Variants in SPAG9 observed in about 807,000 individuals in gnomAD.
SPAG9 encodes sperm associated antigen 9.
SPAG9 carries 35 observed loss-of-function variants against 166.5 expected under a neutral mutation model. The ratio of observed to expected loss-of-function variants is 0.21; its 90% CI spans 0.16 to 0.28. The LOEUF is 0.28. SPAG9 is among the 10% of genes least tolerant of loss of function. The pLI, the probability that SPAG9 is intolerant of heterozygous loss-of-function variation, is 1.00. For missense variants in SPAG9, 1,235 were observed against 1,603.3 expected (o/e 0.77, Z 3.92); for synonymous variants, 534 against 565.5 (o/e 0.94, Z 0.79).
chr17:51,027,098 C>T lies in SPAG9; in HGVS notation c.783+4583G>A, dbSNP rs114035125. 7.8e-3 allele frequency among the ~76,000 whole-genome samples: 1,191 copies of T among 152,212 alleles called. 21 individuals carry two copies. The highest frequency in any genetic ancestry group is 0.027 in the African/African-American group (1,141 of 41,530). ...CGGACAAAGTATTTGGCCAGGGGCA[C>T]AATATTCTTGCATTATACCTCACTA... is the stretch of plus-strand genomic sequence containing the variant. On this transcript the variant is annotated intron_variant, in intron 6 of 29. Transcript: ENST00000262013.
intron 7 of SPAG9, among the ~76,000 whole-genome samples, chr17:51,020,495 T>C (rs539816041): frequency 6.6e-6 from 1 of 152,304 alleles, no homozygotes; most frequent in South Asian, 2.1e-4. Context: ...GAACACACAG[T>C]ACAATGTATC....
At chr17:51,104,916 G>C (rs550054643) in intron 1 of SPAG9, among the ~76,000 whole-genome samples, 11 of 105,778 alleles carry the variant, frequency 1.0e-4, no homozygotes, top group Admixed American at 4.3e-4. Flanking sequence ...CTGGGCGACA[G>C]AGCGAGACTC....
intron 4 of SPAG9, chr17:51,046,592 A>G: frequency 1.3e-6 from 2 of 1,536,148 alleles, no homozygotes; most frequent in Non-Finnish European, 1.7e-6. Flanking sequence ...ATACTAAGAT[A>G]GCAGAATTAA....
chr17:51,028,752 A>T (rs2046283712), intron 6 of SPAG9, among the ~76,000 whole-genome samples: 1 of 152,244 alleles, frequency 6.6e-6, no homozygotes, highest in Non-Finnish European at 1.5e-5. Context: ...ATTGAAAAGC[A>T]TTTATTATGA....
At chr17:51,050,760 T>C (rs946785862) in intron 3 of SPAG9, among the ~76,000 whole-genome samples, 25 of 151,212 alleles carry the variant, frequency 1.7e-4, no homozygotes, top group Admixed American at 6.6e-5. Context: ...GCACCAGTGT[T>C]GTTAGACAGA....
intron 3 of SPAG9, among the ~76,000 whole-genome samples, chr17:51,055,562 C>T (rs138849586): frequency 4.0e-5 from 6 of 151,226 alleles, no homozygotes; most frequent in Non-Finnish European, 7.4e-5. Context: ...TTCTACCAGA[C>T]GCAGGATAAG....
intron 8 of SPAG9, among the ~76,000 whole-genome samples, chr17:51,019,591 G>A (rs993944140): frequency 6.6e-6 from 1 of 150,694 alleles, no homozygotes. Flanking sequence ...AGTGGCTCAC[G>A]ACTGTAATCC....
At chr17:50,981,945 A>G (rs1280469216) in intron 25 of SPAG9, among the ~76,000 whole-genome samples, 3 of 151,882 alleles carry the variant, frequency 2.0e-5, no homozygotes, top group Admixed American at 2.0e-4. Flanking sequence ...AGGCAGAAGA[A>G]TTGCTTGAAC....
At chr17:51,020,077 T>C (rs2045880208) in intron 8 of SPAG9, 82 bp downstream of exon 8, 1 of 764,152 alleles carries the variant, frequency 1.3e-6, no homozygotes, top group African/African-American at 1.8e-5. Context: ...TGAATCCATT[T>C]TGTCCAGAGA....
At chr17:51,114,460 T>A (rs1488250366) in intron 1 of SPAG9, among the ~76,000 whole-genome samples, 1 of 151,860 alleles carries the variant, frequency 6.6e-6, no homozygotes, top group South Asian at 2.1e-4. Flanking sequence ...TGAAACCCCA[T>A]CTCTACTAAA....
chr17:51,089,502 T>C (rs984637980), intron 1 of SPAG9, among the ~76,000 whole-genome samples: 2 of 149,864 alleles, frequency 1.3e-5, no homozygotes, highest in East Asian at 2.0e-4. Flanking sequence ...CTAAAGAACT[T>C]ATCCATGTAA....
intron 5 of SPAG9, among the ~76,000 whole-genome samples, chr17:51,035,413 TTAAC>T (rs1399913986): frequency 1.3e-5 from 2 of 152,194 alleles, no homozygotes; most frequent in Non-Finnish European, 2.9e-5. Context: ...ACTGCGAACT[TTAAC>T]TTTTTAAATT....
chr17:51,071,663 A>G lies in SPAG9; in HGVS notation c.424+7921T>C, dbSNP rs73986892. ...CATGCAACATGATAGATTCCATACT[A>G]TCAAAAGCTGTAAAGTGTGTCTTTT... On this transcript the variant is annotated intron_variant, in intron 2 of 29. Transcript: ENST00000262013. Among the ~76,000 whole-genome samples, 460 of 152,344 alleles carry G rather than the reference A, an allele frequency of 3.0e-3. 2 individuals carry two copies. Among genetic ancestry groups the G allele is most frequent in the African/African-American group, 0.011 (449 of 41,580 alleles).
chr17:51,059,131 C>G (rs1432023283), intron 2 of SPAG9, among the ~76,000 whole-genome samples: 1 of 152,064 alleles, frequency 6.6e-6, no homozygotes, highest in Admixed American at 6.6e-5. Context: ...AGGAAAGAAG[C>G]AGAAACAAAA....
chr17:51,048,289 CAT>C (rs1362448620), intron 3 of SPAG9, among the ~76,000 whole-genome samples: 1 of 151,732 alleles, frequency 6.6e-6, no homozygotes, highest in African/African-American at 2.4e-5. Context: ...GGAATTAAGA[CAT>C]AAAATCAAAA....
At chr17:50,986,998 A>G (rs923983047) in intron 22 of SPAG9, 114 bp downstream of exon 22, 2 of 1,028,280 alleles carry the variant, frequency 1.9e-6, no homozygotes, top group Non-Finnish European at 2.8e-6. Flanking sequence ...TATATATAAA[A>G]TTCTTTGCAT....
intron 27 of SPAG9, chr17:50,975,960 T>A (rs1974175063): frequency 7.6e-7 from 1 of 1,307,602 alleles, no homozygotes; most frequent in East Asian, 2.5e-5. Context: ...AGGAGAGAAT[T>A]ACTGTGAGCC....
intron 1 of SPAG9, among the ~76,000 whole-genome samples, chr17:51,082,358 C>T (rs1036056902): frequency 9.3e-6 from 1 of 107,316 alleles, no homozygotes; most frequent in Non-Finnish European, 1.7e-5. Flanking sequence ...CTGGCCTGGG[C>T]AACAGAGCAA....
intron 9 of SPAG9, among the ~76,000 whole-genome samples, chr17:51,008,577 A>T (rs929023595): frequency 2.0e-5 from 3 of 152,132 alleles, no homozygotes; most frequent in African/African-American, 7.2e-5. Flanking sequence ...TTTCCAAATG[A>T]TTTAAAAATT....
Sources: allele counts gnomAD v4.1 joint callset (sites outside exome capture counted in the v4.1 genomes callset), GRCh38; gene constraint gnomAD v4.1.1; transcripts MANE v1.5; gene names NCBI Gene and HGNC (gene_info 2026-07-23, HGNC 2026-07-21).